TBC1D5: variants seen among roughly 807,000 people sequenced by gnomAD.
The protein encoded by TBC1D5 is TBC1 domain family, member 5.
Under a neutral mutation model 100.3 loss-of-function variants are expected in TBC1D5, and 75 were observed. The observed-to-expected ratio is 0.75, with a 90% CI of 0.62 to 0.91. TBC1D5 has a LOEUF of 0.91. TBC1D5 is among the 40% of genes least tolerant of loss of function. The pLI is 0.00. For synonymous variants in TBC1D5, 323 were observed against 325.6 expected, an observed-to-expected ratio of 0.99 and a Z score of 0.09; for missense variants, 910 against 942.4, an observed-to-expected ratio of 0.97 and a Z score of 0.45.
At chr3:17,692,988 G>C (rs1277458166) in intron 1 of TBC1D5, among the ~76,000 whole-genome samples, 1 of 152,170 alleles carries the variant, frequency 6.6e-6, no homozygotes, top group African/African-American at 2.4e-5. Flanking sequence ...ACATTACATG[G>C]GCGGAGCCCC....
chr3:17,482,491 A>G (rs2150347787), intron 3 of TBC1D5, among the ~76,000 whole-genome samples: 1 of 152,340 alleles, frequency 6.6e-6, no homozygotes, highest in African/African-American at 2.4e-5. Context: ...AGGTTTTCAC[A>G]GCTGAACTGC....
intron 3 of TBC1D5, among the ~76,000 whole-genome samples, chr3:17,464,461 A>G (rs1389589874): frequency 6.6e-6 from 1 of 152,172 alleles, no homozygotes; most frequent in Non-Finnish European, 1.5e-5. Flanking sequence ...GAGAAATACT[A>G]TAACTATTTC....
intron 2 of TBC1D5, among the ~76,000 whole-genome samples, chr3:17,513,907 C>G (rs11915019): frequency 0.069 from 10,500 of 151,930 alleles, 713 homozygotes; most frequent in African/African-American, 0.18. Context: ...TAAGAGATAG[C>G]GCAATTGAAT....
At chr3:17,453,964 C>T (rs1024492088) in intron 3 of TBC1D5, among the ~76,000 whole-genome samples, 8 of 152,028 alleles carry the variant, frequency 5.3e-5, no homozygotes, top group African/African-American at 1.7e-4. Context: ...TCAACATATG[C>T]GAATCAATCA....
At chr3:17,394,906 T>C (rs184660681) in intron 8 of TBC1D5, among the ~76,000 whole-genome samples, 1 of 151,840 alleles carries the variant, frequency 6.6e-6, no homozygotes, top group East Asian at 1.9e-4. Context: ...ATAGCTTTCA[T>C]AGTTCATAAA....
intron 2 of TBC1D5, among the ~76,000 whole-genome samples, chr3:17,571,200 G>C (rs1422167504): frequency 6.6e-6 from 1 of 151,970 alleles, no homozygotes; most frequent in African/African-American, 2.4e-5. Context: ...TATTACAAGT[G>C]ACTCTGAAAC....
chr3:17,513,665 A>C (rs943140899), intron 2 of TBC1D5, among the ~76,000 whole-genome samples: 24 of 152,228 alleles, frequency 1.6e-4, no homozygotes, highest in Admixed American at 1.4e-3. Flanking sequence ...CCTAAAAGTC[A>C]AACACTGAAA....
intron 16 of TBC1D5, among the ~76,000 whole-genome samples, chr3:17,247,623 T>C (rs2076846607): frequency 6.6e-6 from 1 of 152,146 alleles, no homozygotes; most frequent in African/African-American, 2.4e-5. Context: ...ACAATGAAGT[T>C]GGCCACACTG....
chr3:17,300,022 T>C (rs1033039929), intron 14 of TBC1D5, among the ~76,000 whole-genome samples: 1 of 152,074 alleles, frequency 6.6e-6, no homozygotes, highest in African/African-American at 2.4e-5. Flanking sequence ...AATAATTCAA[T>C]TTTTTTAAAA....
At chr3:17,669,524 T>G (rs767468022) in intron 1 of TBC1D5, among the ~76,000 whole-genome samples, 1 of 152,186 alleles carries the variant, frequency 6.6e-6, no homozygotes, top group African/African-American at 2.4e-5. Flanking sequence ...ACCATGAATG[T>G]TTCCCACCTT....
intron 15 of TBC1D5, among the ~76,000 whole-genome samples, chr3:17,270,155 C>T (rs917066785): frequency 3.9e-5 from 6 of 152,108 alleles, no homozygotes; most frequent in African/African-American, 1.4e-4. Flanking sequence ...TCACCAACAT[C>T]TGTTATTTTT....
At chr3:17,655,876 G>A (rs11128838) in intron 1 of TBC1D5, among the ~76,000 whole-genome samples, 73,830 of 151,980 alleles carry the variant, frequency 0.49, 19,842 homozygotes, top group East Asian at 0.94. Context: ...AAAGAACCAC[G>A]TATTCTCACT....
chr3:17,545,052 A>G (rs2096401237), intron 2 of TBC1D5, among the ~76,000 whole-genome samples: 1 of 152,134 alleles, frequency 6.6e-6, no homozygotes, highest in Admixed American at 6.5e-5. Flanking sequence ...TTATGGATCA[A>G]TTTTTAAAAA....
At chr3:17,533,748 G>C (rs888734068) in intron 2 of TBC1D5, among the ~76,000 whole-genome samples, 1 of 150,556 alleles carries the variant, frequency 6.6e-6, no homozygotes, top group East Asian at 1.9e-4. Context: ...TTCTGGATTT[G>C]GGTTTCTTTT....
intron 1 of TBC1D5, among the ~76,000 whole-genome samples, chr3:17,638,087 C>A (rs1001350942): frequency 2.6e-5 from 4 of 151,876 alleles, no homozygotes; most frequent in South Asian, 2.1e-4. Flanking sequence ...TTACTTTATT[C>A]TTCTTCTTTT....
In TBC1D5 at chr3:17,501,240, A is replaced by G. The variant is rs568237805; in HGVS notation, c.97+7234T>C. On this transcript the variant is annotated intron_variant, in intron 3 of 21. Coordinates refer to ENST00000253692, the Ensembl canonical transcript of TBC1D5. Reference sequence around the variant, plus strand: ...TTACTTCAAACCAAGCCCTATCCAAATCATTATAGATCCAAATTATTACAC... The same window carrying G: ...TTACTTCAAACCAAGCCCTATCCAAGTCATTATAGATCCAAATTATTACAC... 2.7e-5 allele frequency among the ~76,000 whole-genome samples: 4 copies of G among 149,268 alleles called. No homozygotes were observed. In the East Asian group the frequency reaches 7.8e-4, roughly 29 times the overall value.
At chr3:17,341,960 C>G (rs1391382876) in intron 13 of TBC1D5, among the ~76,000 whole-genome samples, 1 of 152,132 alleles carries the variant, frequency 6.6e-6, no homozygotes, top group Admixed American at 6.5e-5. Flanking sequence ...AGTTATCTTC[C>G]CCACTCCAAC....
At chr3:17,374,798 T>G in intron 10 of TBC1D5, 119 bp from the exon 11 acceptor site, 1 of 964,656 alleles carries the variant, frequency 1.0e-6, no homozygotes, top group South Asian at 1.7e-5. Flanking sequence ...AAAATTAGTC[T>G]TTTTTAATGA....
chr3:17,310,362 A>AT (rs1310152890), intron 13 of TBC1D5, among the ~76,000 whole-genome samples: 1 of 152,074 alleles, frequency 6.6e-6, no homozygotes, highest in African/African-American at 2.4e-5. Flanking sequence ...GCACTTTTTA[A>AT]TGTATTATCT....
Sources: gnomAD v4.1 joint callset for allele counts (sites outside exome capture counted in the v4.1 genomes callset) on GRCh38, gnomAD v4.1.1 for gene constraint, MANE v1.5 for transcripts, NCBI Gene and HGNC (gene_info 2026-07-23, HGNC 2026-07-21) for gene names.